The following ZNF585A variants were observed in gnomAD, a reference collection of about 807,000 sequenced individuals.
ZNF585A encodes zinc finger protein 585A.
A neutral mutation model predicts 14.9 loss-of-function variants in ZNF585A; 9 were observed. The ratio of observed to expected loss-of-function variants is 0.60; its 90% confidence interval spans 0.36 to 1.05. The LOEUF (loss-of-function observed/expected upper bound fraction) is 1.05. ZNF585A is among the 50% of genes least tolerant of loss of function. ZNF585A has a pLI of 0.01. For missense variants in ZNF585A, 726 were observed against 926.4 expected (o/e 0.78, Z 2.81); for synonymous variants, 276 against 319.9 (o/e 0.86, Z 1.46).
rs1303040238 is a variant in ZNF585A, at chr19:37,151,932, T to C, written c.1967A>G (p.His656Arg). 6.2e-7 allele frequency: 1 copy of C among 1,612,828 alleles called. No individual in the cohort carries two copies. Among genetic ancestry groups the C allele is most frequent in the Non-Finnish European group, 8.5e-7 (1 of 1,179,128 alleles). ...RSNLSKHQKT[H>R]TGEKPYICSE... The stretch of plus-strand genomic sequence containing the variant: ...ACAAATGTAGGGCTTTTCTCCGGTA[T>C]GAGTTTTCTGGTGCTTACTGAGATT... Residue 656 changes from histidine to arginine, a missense_variant, in exon 5 of 5, where the codon CAT becomes CGT. His to Arg is a conservative substitution (Grantham distance 29). Coordinates refer to ENST00000292841, the MANE Select transcript of ZNF585A (RefSeq NM_001288800.2).
rs1295383760 is a variant in ZNF585A, at chr19:37,147,218, C to A, written c.*4371G>T. 4 of 152,190 alleles carry A rather than the reference C, an allele frequency of 2.6e-5. No homozygotes were observed. The highest frequency in any genetic ancestry group is 2.6e-4 in the Admixed American group (4 of 15,270). The allele number at this position is 152,190 out of a possible 1,614,324, so 9.4% of individuals were successfully genotyped here. A position where few individuals can be genotyped will look rare whatever the true frequency, so the allele number is the denominator to read the frequency against. On this transcript the variant is annotated 3_prime_UTR_variant, in exon 5 of 5. Transcript: ENST00000292841. ...GCAAATATCATACAAAATAAGGGAG[C>A]AGCAAGTGAGCTCTACAGATGTGTT...
intron 2 of ZNF585A, among the ~76,000 whole-genome samples, chr19:37,162,151 T>C (rs1972022504): frequency 6.6e-6 from 1 of 152,240 alleles, no homozygotes. Context: ...CTTGAACTCC[T>C]GACCTCGGGT....
In ZNF585A at chr19:37,156,215, G is replaced by T; in HGVS notation, c.199+14C>A. The T allele has an allele frequency of 6.2e-7, 1 of 1,612,350 alleles. No homozygotes were observed. Among genetic ancestry groups the T allele is most frequent in the Non-Finnish European group, 8.5e-7 (1 of 1,179,198 alleles). ...GTGAGGCCTCCTTTCAGATACCAAG[G>T]TGACTGTGCTTACCTACTGAGAGCA... On this transcript the variant is annotated intron_variant, in intron 3 of 4. Transcript: ENST00000292841.
In ZNF585A at chr19:37,146,440, G is replaced by A. The variant is rs1012755522; in HGVS notation, c.*5149C>T. On this transcript the variant is annotated 3_prime_UTR_variant, in exon 5 of 5. Coordinates refer to ENST00000292841, the MANE Select transcript of ZNF585A (RefSeq NM_001288800.2). ...CTAGTAGCCCATTTGAGAGCTGAGG[G>A]TGGAGGGTGTGATTCATCCTGGCAT... 2.6e-5 allele frequency: 4 copies of A among 152,132 alleles called. No individual in the cohort carries two copies. Among genetic ancestry groups the A allele is most frequent in the African/African-American group, 9.7e-5 (4 of 41,420 alleles). 9.4% of individuals were successfully genotyped at this position (152,132 alleles called of 1,614,324 possible). A position where few individuals can be genotyped will look rare whatever the true frequency, so the allele number is the denominator to read the frequency against.
rs755681123 is a variant in ZNF585A, at chr19:37,153,067, C to T, written c.832G>A (p.Ala278Thr). The T allele has an allele frequency of 1.7e-5, 27 of 1,614,044 alleles. No individual in the cohort carries two copies. The Admixed American group carries it at 2.0e-4, about 12-fold the overall frequency. The part of the protein sequence containing the change: ...RSYICIECGQ[A>T]FIQKTHLIAH... ...ATCAAATGGGTCTTCTGGATGAAGG[C>T]CTGTCCGCATTCAATACAGATGTAG... Residue 278 changes from alanine (A) to threonine (T), a missense_variant, in exon 5 of 5, where the codon GCC becomes ACC. Transcript: ENST00000292841.
chr19:37,153,445 G>A lies in ZNF585A; in HGVS notation c.454C>T (p.Leu152Phe). The A allele has an allele frequency of 6.2e-7, 1 of 1,614,162 alleles. No homozygotes were observed. Among genetic ancestry groups the A allele is most frequent in the East Asian group, 2.2e-5 (1 of 44,870 alleles). Reference protein sequence around the residue: ...KSQLKVHLKVLAGEKLYVCIE... With the variant: ...KSQLKVHLKVFAGEKLYVCIE... ...CATACATAGAGCTTTTCTCCTGCAA[G>A]AACTTTCAGGTGTACTTTGAGCTGT... Residue 152 changes from leucine (L) to phenylalanine (F), a missense_variant, in exon 5 of 5, where the codon CTT (leucine) becomes TTT (phenylalanine). Transcript: ENST00000292841.
Position 37,148,058 on chromosome 19 carries a change from A to G in ZNF585A, c.*3531T>C, listed in dbSNP as rs1172836402. ...CCTAAGTGTGGAGTTGCTGAGTCAT[A>G]TGATAAATGTATGGTTAATAGTATA... On this transcript the variant is annotated 3_prime_UTR_variant, in exon 5 of 5. Coordinates refer to ENST00000292841, the MANE Select transcript of ZNF585A (RefSeq NM_001288800.2). The G allele has an allele frequency of 2.0e-4, 30 of 152,338 alleles. No homozygotes were observed. Among genetic ancestry groups the G allele is most frequent in the Non-Finnish European group, 2.9e-5 (2 of 68,036 alleles). 9.4% of individuals were successfully genotyped at this position (152,338 alleles called of 1,614,324 possible).
At chr19:37,155,330 T>C (rs2145401280) in intron 4 of ZNF585A, among the ~76,000 whole-genome samples, 1 of 150,896 alleles carries the variant, frequency 6.6e-6, no homozygotes, top group East Asian at 2.0e-4. Context: ...TGATTCAGAA[T>C]CCACGAAGCC....
intron 1 of ZNF585A, among the ~76,000 whole-genome samples, chr19:37,170,665 G>C (rs1368446578): frequency 2.0e-5 from 3 of 152,114 alleles, no homozygotes; most frequent in Non-Finnish European, 4.4e-5. Flanking sequence ...TGGTAAAGAC[G>C]AGGTTTCACC....
intron 2 of ZNF585A, among the ~76,000 whole-genome samples, chr19:37,167,781 C>T (rs1044289158): frequency 4.6e-5 from 7 of 151,760 alleles, no homozygotes; most frequent in African/African-American, 1.5e-4. Flanking sequence ...GCACCACGCA[C>T]GGCTTATTTT....
intron 2 of ZNF585A, among the ~76,000 whole-genome samples, chr19:37,157,906 T>TA (rs1474023884): frequency 6.8e-6 from 1 of 147,044 alleles, no homozygotes; most frequent in Non-Finnish European, 1.5e-5. Flanking sequence ...TTTTTTTTTT[T>TA]AGACAAAAGT....
chr19:37,162,516 C>T (rs1038487859), intron 2 of ZNF585A, among the ~76,000 whole-genome samples: 4 of 152,292 alleles, frequency 2.6e-5, no homozygotes, highest in African/African-American at 7.2e-5. Flanking sequence ...TATAAAGACA[C>T]ATACCCACAT....
rs138755686 is a variant in ZNF585A, at chr19:37,167,767, C to T, written c.72+2072G>A. Among the ~76,000 whole-genome samples, 484 of 152,020 alleles carry T rather than the reference C, an allele frequency of 3.2e-3. 3 individuals are homozygous for T. Among genetic ancestry groups the T allele is most frequent in the African/African-American group, 9.4e-3 (390 of 41,482 alleles). On this transcript the variant is annotated intron_variant, in intron 2 of 4. Transcript: ENST00000292841. ...TCCCAAGTAGCTGGGATTACTGGTG[C>T]GTGGCACCACGCACGGCTTATTTTT... is the stretch of plus-strand genomic sequence containing the variant.
At chr19:37,171,699 G>A (rs1972184333) in intron 1 of ZNF585A, among the ~76,000 whole-genome samples, 1 of 152,166 alleles carries the variant, frequency 6.6e-6, no homozygotes, top group East Asian at 1.9e-4. Flanking sequence ...TCAGGAGTTT[G>A]AGACCAGCCT....
chr19:37,168,937 C>T (rs1396830334), intron 2 of ZNF585A, among the ~76,000 whole-genome samples: 1 of 152,084 alleles, frequency 6.6e-6, no homozygotes, highest in Non-Finnish European at 1.5e-5. Flanking sequence ...AGAATAAAAT[C>T]GGTCCTGTAT....
Position 37,147,622 on chromosome 19 carries a change from CTATT to C in ZNF585A, c.*3963_*3966del, listed in dbSNP as rs970737691. On this transcript the variant is annotated 3_prime_UTR_variant, in exon 5 of 5. Transcript: ENST00000292841. Reference sequence around the variant, plus strand: ...CAGGTACTATTATATAAAATACAAACTATTTTATTGTCACAAGGAATATACAGTA... The same window carrying C: ...CAGGTACTATTATATAAAATACAAACTTATTGTCACAAGGAATATACAGTA... 1 of 151,948 alleles carries C rather than the reference CTATT, an allele frequency of 6.6e-6. No individual in the cohort carries two copies. Among genetic ancestry groups the C allele is most frequent in the African/African-American group, 2.4e-5 (1 of 41,354 alleles). The allele number at this position is 151,948 out of a possible 1,614,324, so 9.4% of individuals were successfully genotyped here. A position where few individuals can be genotyped will look rare whatever the true frequency, so the allele number is the denominator to read the frequency against.
intron 2 of ZNF585A, among the ~76,000 whole-genome samples, chr19:37,156,912 G>A (rs1324241998): frequency 6.6e-6 from 1 of 152,134 alleles, no homozygotes; most frequent in African/African-American, 2.4e-5. Context: ...GGCTGGTCTT[G>A]AACTGCTGAC....
At chr19:37,154,612 G>T (rs1016167406) in intron 4 of ZNF585A, among the ~76,000 whole-genome samples, 1 of 151,998 alleles carries the variant, frequency 6.6e-6, no homozygotes, top group Admixed American at 6.6e-5. Flanking sequence ...GTCAGGAAGG[G>T]TGATTAATTA....
Position 37,151,642 on chromosome 19 carries a change from T to C in ZNF585A, c.2257A>G (p.Lys753Glu). ...AACACTGATTTCTGAACGAAGCCTT[T>C]CCCACAGATGCCACACTTGTAGGGT... Reference protein sequence around the residue: ...DKPYKCGICGKGFVQKSVFSV... With the variant: ...DKPYKCGICGEGFVQKSVFSV... The change falls in exon 5 of 5, where the codon AAA becomes GAA. Residue 753 changes from lysine (K) to glutamate (E), a missense_variant. By Grantham distance (56) the Lys-to-Glu change is moderately conservative. Coordinates refer to ENST00000292841, the MANE Select transcript of ZNF585A (RefSeq NM_001288800.2). The C allele has an allele frequency of 6.2e-7, 1 of 1,614,132 alleles. No individual in the cohort carries two copies. The highest frequency in any genetic ancestry group is 8.5e-7 in the Non-Finnish European group (1 of 1,179,982).
Sources: allele counts gnomAD v4.1 joint callset (sites outside exome capture counted in the v4.1 genomes callset), GRCh38; gene constraint gnomAD v4.1.1; transcripts MANE v1.5; gene names NCBI Gene and HGNC (gene_info 2026-07-23, HGNC 2026-07-21).